The following SLC14A2 variants were observed in gnomAD, a reference collection of about 807,000 sequenced individuals.
The protein encoded by SLC14A2 is solute carrier family 14 member 2, also known as urea transporter 2.
In SLC14A2, 91 loss-of-function variants were observed where a neutral mutation model predicts 104.6. The observed-to-expected ratio is 0.87, with a 90% CI of 0.73 to 1.04. The LOEUF (loss-of-function observed/expected upper bound fraction) is 1.04, where lower values mean the gene tolerates loss of function less well. SLC14A2 is among the 50% of genes least tolerant of loss of function. SLC14A2 has a pLI of 0.00. For synonymous variants in SLC14A2, 476 were observed against 466.4 expected (o/e 1.02, Z -0.27); for missense variants, 1,189 against 1,156.0 (o/e 1.03, Z -0.41).
At chr18:45,612,086 G>C (rs535740874), upstream of SLC14A2, among the ~76,000 whole-genome samples, 6 of 152,308 alleles carry the variant, frequency 3.9e-5, no homozygotes, top group Non-Finnish European at 1.5e-5. Flanking sequence ...CTAGAGATGA[G>C]ACATATACAT....
At chr18:45,204,245 G>A in the SLC14A2 span, among the ~76,000 whole-genome samples, 1 of 152,160 alleles carries the variant, frequency 6.6e-6, no homozygotes, top group Non-Finnish European at 1.5e-5. Flanking sequence ...CTCCCGTCAG[G>A]AGAACAAGAG....
At chr18:45,312,832 C>T (rs1028984754) in intron 1 of SLC14A2, among the ~76,000 whole-genome samples, 1 of 152,208 alleles carries the variant, frequency 6.6e-6, no homozygotes, top group Non-Finnish European at 1.5e-5. Context: ...GGCCTCACCC[C>T]ACCCCCTCCC....
At chr18:45,396,622 TTTTTGTTTTTG>T (rs1043319837) in intron 1 of SLC14A2, among the ~76,000 whole-genome samples, 3 of 144,038 alleles carry the variant, frequency 2.1e-5, no homozygotes, top group African/African-American at 8.4e-5. Flanking sequence ...ACCTGGTTTT[TTTTTGTTTTTG>T]TTTTTTTTCT....
Position 45,557,384 on chromosome 18 carries a change from G to C in SLC14A2, c.-34-67247G>C, listed in dbSNP as rs72904449. On this transcript the variant is annotated intron_variant, in intron 2 of 20. Coordinates refer to the SLC14A2 transcript ENST00000586448. ...TGAAAGCAGTGCCTAACATGCTCAAGCCAGGCTGCCAGGCTCCATTAATGT... is the reference window on the plus strand; with the variant it reads ...TGAAAGCAGTGCCTAACATGCTCAACCCAGGCTGCCAGGCTCCATTAATGT... Among the ~76,000 whole-genome samples the C allele has an allele frequency of 3.5e-3, 531 of 152,344 alleles. 1 individual carries two copies. Among genetic ancestry groups the C allele is most frequent in the Non-Finnish European group, 6.4e-3 (436 of 68,038 alleles).
chr18:45,619,477 C>A (rs1439017225), intron 1 of SLC14A2, among the ~76,000 whole-genome samples: 2 of 152,226 alleles, frequency 1.3e-5, no homozygotes, highest in Admixed American at 1.3e-4. Context: ...GATGGAGGAG[C>A]TGGTCTGTTT....
At chr18:45,654,249 G>A (rs529875740) in intron 10 of SLC14A2, among the ~76,000 whole-genome samples, 20 of 152,252 alleles carry the variant, frequency 1.3e-4, no homozygotes, top group East Asian at 9.7e-4. Flanking sequence ...TTCAGGGAAC[G>A]CAAGCTAGTG....
intron 2 of SLC14A2, among the ~76,000 whole-genome samples, chr18:45,574,731 C>G (rs1387859212): frequency 6.6e-6 from 1 of 152,174 alleles, no homozygotes; most frequent in African/African-American, 2.4e-5. Flanking sequence ...TTTCATCAAC[C>G]GAAAAGCAAA....
chr18:45,347,844 T>C (rs1202064267), intron 1 of SLC14A2, among the ~76,000 whole-genome samples: 2 of 152,216 alleles, frequency 1.3e-5, no homozygotes, highest in Non-Finnish European at 2.9e-5. Flanking sequence ...TCAACTACCA[T>C]GCTTTTTTAG....
intron 1 of SLC14A2, among the ~76,000 whole-genome samples, chr18:45,271,155 T>C (rs2084647042): frequency 6.6e-6 from 1 of 152,142 alleles, no homozygotes; most frequent in South Asian, 2.1e-4. Flanking sequence ...TCAAGTGACA[T>C]TTGCAGAGCC....
chr18:45,621,820 C>T (rs1255318449), intron 1 of SLC14A2, among the ~76,000 whole-genome samples: 3 of 152,212 alleles, frequency 2.0e-5, no homozygotes, highest in Admixed American at 6.5e-5. Flanking sequence ...GGTGGATCTG[C>T]GAGGGTTTAT....
At chr18:45,308,431 T>C (rs541941853) in intron 1 of SLC14A2, among the ~76,000 whole-genome samples, 1 of 152,220 alleles carries the variant, frequency 6.6e-6, no homozygotes, top group South Asian at 2.1e-4. Context: ...TACTGAATAG[T>C]GAAATTTGGA....
At chr18:45,473,644 C>G (rs531443215) in intron 1 of SLC14A2, among the ~76,000 whole-genome samples, 2 of 152,118 alleles carry the variant, frequency 1.3e-5, no homozygotes, top group East Asian at 3.9e-4. Flanking sequence ...GTAGCAGTTG[C>G]GAACAGGAGT....
intron 1 of SLC14A2, among the ~76,000 whole-genome samples, chr18:45,276,022 G>A (rs1321098020): frequency 6.6e-6 from 1 of 152,218 alleles, no homozygotes; most frequent in East Asian, 1.9e-4. Flanking sequence ...AAGACGAAAT[G>A]AGCCATGACA....
At chr18:45,222,297 CA>C (rs1330858249) in intron 1 of SLC14A2, among the ~76,000 whole-genome samples, 5 of 152,192 alleles carry the variant, frequency 3.3e-5, no homozygotes, top group Admixed American at 2.0e-4. Context: ...TGTTGGTTAT[CA>C]GCTCCATCTG....
intron 2 of SLC14A2, among the ~76,000 whole-genome samples, chr18:45,561,871 T>C (rs1160372812): frequency 6.6e-6 from 1 of 152,128 alleles, no homozygotes; most frequent in East Asian, 1.9e-4. Context: ...TCAACATTTC[T>C]ATTTGGGGAT....
At chr18:45,310,042 T>C (rs1455633702) in intron 1 of SLC14A2, among the ~76,000 whole-genome samples, 2 of 152,152 alleles carry the variant, frequency 1.3e-5, no homozygotes, top group African/African-American at 2.4e-5. Flanking sequence ...CGTAGGACCA[T>C]AATTCATGCT....
chr18:45,668,110 C>A lies in SLC14A2; in HGVS notation c.1907+88C>A, dbSNP rs1045581163. 3.7e-6 allele frequency: 5 copies of A among 1,345,636 alleles called. No individual in the cohort carries two copies. The African/African-American group carries it at 7.3e-5, about 20-fold the overall frequency. The allele number at this position is 1,345,636 out of a possible 1,614,324, so 83.4% of individuals were successfully genotyped here. ...TCTTCCTCTTCCCAGCTGAGAAATCCTCAAAATAAGGACACTGACAACTAA... is the reference window on the plus strand; with the variant it reads ...TCTTCCTCTTCCCAGCTGAGAAATCATCAAAATAAGGACACTGACAACTAA... On this transcript the variant is annotated intron_variant, in intron 14 of 19. Transcript: ENST00000255226.
chr18:45,652,190 T>G (rs1199130340), intron 10 of SLC14A2, among the ~76,000 whole-genome samples: 1 of 152,254 alleles, frequency 6.6e-6, no homozygotes, highest in African/African-American at 2.4e-5. Flanking sequence ...TGGGCATGAT[T>G]TCTACTCAAT....
intron 1 of SLC14A2, among the ~76,000 whole-genome samples, chr18:45,289,188 C>A (rs759844697): frequency 6.6e-6 from 1 of 152,154 alleles, no homozygotes; most frequent in Non-Finnish European, 1.5e-5. Context: ...ATCCATGTCT[C>A]TTTCATTACA....
Sources: allele counts gnomAD v4.1 joint callset (sites outside exome capture counted in the v4.1 genomes callset), GRCh38; gene constraint gnomAD v4.1.1; transcripts MANE v1.5; gene names NCBI Gene and HGNC (gene_info 2026-07-23, HGNC 2026-07-21).